DYNC1I1: variants seen among roughly 807,000 people sequenced by gnomAD.
The protein encoded by DYNC1I1 is dynein cytoplasmic 1 intermediate chain 1.
A neutral mutation model predicts 86.6 loss-of-function variants in DYNC1I1; 43 were observed. The ratio of observed to expected loss-of-function variants is 0.50; its 90% confidence interval spans 0.39 to 0.64. DYNC1I1 has a LOEUF of 0.64. DYNC1I1 is among the 30% of genes least tolerant of loss of function. The probability of loss-of-function intolerance (pLI) is 0.00; values close to 1 mark genes in which losing one functional copy is unlikely to be tolerated. For synonymous variants in DYNC1I1, 262 were observed against 283.7 expected (o/e 0.92, Z 0.77); for missense variants, 604 against 788.8 (o/e 0.77, Z 2.81).
chr7:95,929,546 T>G (rs937701598), intron 6 of DYNC1I1, among the ~76,000 whole-genome samples: 1 of 152,186 alleles, frequency 6.6e-6, no homozygotes, highest in African/African-American at 2.4e-5. Flanking sequence ...GTAAATTTTT[T>G]GAAAGCGTAA....
At chr7:95,941,175 G>A (rs1178708459) in intron 6 of DYNC1I1, among the ~76,000 whole-genome samples, 1 of 152,094 alleles carries the variant, frequency 6.6e-6, no homozygotes, top group Non-Finnish European at 1.5e-5. Context: ...TCTCAGCGGA[G>A]TACCCGGCTG....
intron 10 of DYNC1I1, among the ~76,000 whole-genome samples, chr7:96,006,472 C>A (rs567058215): frequency 6.6e-6 from 1 of 152,246 alleles, no homozygotes; most frequent in East Asian, 1.9e-4. Context: ...GAATATTTAG[C>A]TAATTTTCAG....
chr7:96,100,853 G>A (rs1288006022), downstream of DYNC1I1, among the ~76,000 whole-genome samples: 1 of 152,112 alleles, frequency 6.6e-6, no homozygotes, highest in East Asian at 1.9e-4. Flanking sequence ...GGGTATGTTA[G>A]AATAGATATA....
chr7:95,836,582 C>T (rs1416843454), intron 5 of DYNC1I1, among the ~76,000 whole-genome samples: 1 of 151,276 alleles, frequency 6.6e-6, no homozygotes, highest in Non-Finnish European at 1.5e-5. Context: ...TGGTTCCATT[C>T]TCCCCGTCAC....
intron 1 of DYNC1I1, chr7:95,804,230 C>A: frequency 3.0e-6 from 1 of 328,896 alleles, no homozygotes. Flanking sequence ...AATCTCCATG[C>A]ATCCGAGCTC....
intron 5 of DYNC1I1, among the ~76,000 whole-genome samples, chr7:95,833,203 C>T (rs1323278305): frequency 5.8e-5 from 8 of 136,770 alleles, no homozygotes; most frequent in Admixed American, 7.5e-5. Context: ...GCCAGTTTTC[C>T]CAGCACCATT....
chr7:96,109,204 CT>C (rs971121801), intron 16 of DYNC1I1, among the ~76,000 whole-genome samples: 92 of 149,766 alleles, frequency 6.1e-4, no homozygotes, highest in Non-Finnish European at 3.6e-4. Flanking sequence ...TTCCTGCTTT[CT>C]TTTTTTTTAA....
At chr7:96,065,917 G>T (rs895384979) in intron 14 of DYNC1I1, among the ~76,000 whole-genome samples, 4 of 152,102 alleles carry the variant, frequency 2.6e-5, no homozygotes, top group African/African-American at 9.7e-5. Flanking sequence ...TCAGTTGACT[G>T]CACTAGAAAA....
intron 6 of DYNC1I1, among the ~76,000 whole-genome samples, chr7:95,903,722 G>T (rs1022860810): frequency 6.6e-6 from 1 of 152,182 alleles, no homozygotes; most frequent in African/African-American, 2.4e-5. Flanking sequence ...TAACAACTCT[G>T]TGGGGAAAGT....
intron 1 of DYNC1I1, among the ~76,000 whole-genome samples, chr7:95,794,907 A>G (rs1418584381): frequency 1.3e-5 from 2 of 152,252 alleles, no homozygotes; most frequent in East Asian, 3.8e-4. Flanking sequence ...AAAAATCAAC[A>G]TAATGTTTCA....
At chr7:95,773,567 A>G (rs577362040) in intron 1 of DYNC1I1, among the ~76,000 whole-genome samples, 11 of 152,310 alleles carry the variant, frequency 7.2e-5, no homozygotes, top group Admixed American at 5.2e-4. Context: ...AGGAAATTAC[A>G]TAGGAGATCA....
chr7:95,886,202 G>C (rs992259712), intron 6 of DYNC1I1, among the ~76,000 whole-genome samples: 1 of 152,154 alleles, frequency 6.6e-6, no homozygotes, highest in Admixed American at 6.5e-5. Flanking sequence ...TTGGGAGGCC[G>C]AGGCAGGCAG....
chr7:95,913,523 T>A (rs1163812355), intron 6 of DYNC1I1, among the ~76,000 whole-genome samples: 1 of 152,202 alleles, frequency 6.6e-6, no homozygotes, highest in Non-Finnish European at 1.5e-5. Context: ...GATGGTTTTA[T>A]AAAGGGCAGT....
intron 6 of DYNC1I1, among the ~76,000 whole-genome samples, chr7:95,913,134 A>G (rs776824300): frequency 1.1e-4 from 17 of 152,302 alleles, no homozygotes; most frequent in Non-Finnish European, 2.1e-4. Flanking sequence ...ACCTCTGGTT[A>G]GGAGCCAGAG....
intron 6 of DYNC1I1, among the ~76,000 whole-genome samples, chr7:95,973,837 T>C (rs1793236896): frequency 6.6e-6 from 1 of 152,234 alleles, no homozygotes; most frequent in Non-Finnish European, 1.5e-5. Flanking sequence ...AGTCATTTGG[T>C]AAAACTACTT....
intron 1 of DYNC1I1, among the ~76,000 whole-genome samples, chr7:95,777,339 A>G (rs953385222): frequency 3.3e-5 from 5 of 152,182 alleles, no homozygotes; most frequent in Non-Finnish European, 5.9e-5. Context: ...CCTGAAAACT[A>G]TCTTGCAGGG....
intron 16 of DYNC1I1, among the ~76,000 whole-genome samples, chr7:96,081,037 TC>T (rs1159922513): frequency 7.1e-6 from 1 of 141,008 alleles, no homozygotes; most frequent in Non-Finnish European, 1.5e-5. Context: ...ACCACTGCAC[TC>T]CAACCTGGGT....
chr7:96,041,237 T>C (rs1314305410), intron 14 of DYNC1I1, among the ~76,000 whole-genome samples: 1 of 152,126 alleles, frequency 6.6e-6, no homozygotes, highest in Non-Finnish European at 1.5e-5. Context: ...GATAACAACC[T>C]CATTTATAAG....
At chr7:95,864,852 G>T (rs867286823) in intron 5 of DYNC1I1, among the ~76,000 whole-genome samples, 1 of 151,792 alleles carries the variant, frequency 6.6e-6, no homozygotes, top group Admixed American at 6.6e-5. Flanking sequence ...CTGATGGCAG[G>T]GTGGGGAAGC....
Sources: gnomAD v4.1 joint callset for allele counts (sites outside exome capture counted in the v4.1 genomes callset) on GRCh38, gnomAD v4.1.1 for gene constraint, MANE v1.5 for transcripts, NCBI Gene and HGNC (gene_info 2026-07-23, HGNC 2026-07-21) for gene names.